Variants in CPS1 observed in about 807,000 individuals in gnomAD.
CPS1 encodes the protein carbamoyl-phosphate synthase [ammonia], mitochondrial.
Under a neutral mutation model 174.6 loss-of-function variants are expected in CPS1, and 109 were observed. The observed-to-expected ratio is 0.62, with a 90% CI of 0.53 to 0.73. The LOEUF (loss-of-function observed/expected upper bound fraction) is 0.73. Ranked by LOEUF, CPS1 falls within the 30% of genes least tolerant of loss-of-function variation. The pLI is 0.00. For missense variants in CPS1, 1,689 were observed against 1,821.9 expected, an observed-to-expected ratio of 0.93 and a Z score of 1.33; for synonymous variants, 637 against 632.0, an observed-to-expected ratio of 1.01 and a Z score of -0.12.
At chr2:210,663,450 G>T (rs1700988976) in intron 33 of CPS1, among the ~76,000 whole-genome samples, 1 of 151,912 alleles carries the variant, frequency 6.6e-6, no homozygotes, top group South Asian at 2.1e-4. Flanking sequence ...CATCTTCCAG[G>T]TATTTATCTA....
chr2:210,500,165 A>G (rs550372438), intron 1 of CPS1, among the ~76,000 whole-genome samples: 20 of 152,154 alleles, frequency 1.3e-4, no homozygotes, highest in South Asian at 2.1e-4. Context: ...CCATGATTCA[A>G]TTATCTCCAC....
At chr2:210,624,611 A>G (rs2105878751) in intron 21 of CPS1, among the ~76,000 whole-genome samples, 1 of 152,174 alleles carries the variant, frequency 6.6e-6, no homozygotes, top group African/African-American at 2.4e-5. Flanking sequence ...CATAGGTTTG[A>G]TAGGACTCCA....
intron 25 of CPS1, among the ~76,000 whole-genome samples, chr2:210,644,201 G>A (rs939961333): frequency 1.3e-5 from 2 of 151,888 alleles, no homozygotes. Context: ...GAAAGAAGTT[G>A]GCCCTTCTTT....
Position 210,616,422 on chromosome 2 carries a change from G to A in CPS1, c.2569-1G>A. On this transcript the variant is annotated splice_acceptor_variant, in intron 20 of 37. Coordinates refer to ENST00000233072, the MANE Select transcript of CPS1 (RefSeq NM_001875.5). LOFTEE classifies it high-confidence loss of function. ...GAAAGTATCTCTTCTCCTCTTGGCA[G>A]GCCATTGATGACAACATGTCCCTTG... is the stretch of plus-strand genomic sequence containing the variant. 6.3e-7 allele frequency: 1 copy of A among 1,598,902 alleles called. No homozygotes were observed. The highest frequency in any genetic ancestry group is 1.3e-5 in the African/African-American group (1 of 74,562).
rs529528829 is a variant in CPS1 at position 210,678,984 on chromosome 2, C to A, written c.*999C>A. ...TCCACCCACTGTAAGGGCAAGGACA[C>A]CATTCCTTCTACATATAAGAAAAAA... On this transcript the variant is annotated 3_prime_UTR_variant, in exon 38 of 38. Coordinates refer to ENST00000233072, the MANE Select transcript of CPS1 (RefSeq NM_001875.5). The A allele has an allele frequency of 6.6e-6, 1 of 152,286 alleles. No individual in the cohort carries two copies. The highest frequency in any genetic ancestry group is 2.1e-4 in the South Asian group (1 of 4,830). 9.4% of individuals were successfully genotyped at this position (152,286 alleles called of 1,614,324 possible). A position where few individuals can be genotyped will look rare whatever the true frequency, so the allele number is the denominator to read the frequency against.
At chr2:210,528,814 CTTTTTTTTT>C (rs779266955) in intron 1 of CPS1, among the ~76,000 whole-genome samples, 2 of 117,684 alleles carry the variant, frequency 1.7e-5, no homozygotes, top group East Asian at 5.0e-4. Context: ...ATCAAGACAA[CTTTTTTTTT>C]TTTTTTTTTT....
intron 1 of CPS1, among the ~76,000 whole-genome samples, chr2:210,489,240 A>T (rs981667768): frequency 3.3e-5 from 5 of 152,202 alleles, no homozygotes; most frequent in African/African-American, 1.2e-4. Flanking sequence ...AGAGAAAAGG[A>T]TCTTCTCTCC....
chr2:210,549,463 A>G (rs572896908), intron 1 of CPS1, among the ~76,000 whole-genome samples: 1 of 152,096 alleles, frequency 6.6e-6, no homozygotes, highest in Non-Finnish European at 1.5e-5. Context: ...AGACCAAGTT[A>G]TAAGAAAATG....
At chr2:210,571,603 A>T (rs1464158046) in intron 1 of CPS1, among the ~76,000 whole-genome samples, 1 of 151,984 alleles carries the variant, frequency 6.6e-6, no homozygotes, top group East Asian at 1.9e-4. Flanking sequence ...AGACGTCGGA[A>T]TATAGTATAT....
upstream of CPS1, chr2:210,555,618 A>G (rs1221732577): frequency 8.8e-6 from 4 of 455,274 alleles, no homozygotes; most frequent in Non-Finnish European, 1.8e-5. Context: ...TCTTTATGTC[A>G]TTTTCTGTCA....
intron 1 of CPS1, among the ~76,000 whole-genome samples, chr2:210,562,868 GTT>G (rs74421812): frequency 0.019 from 2,585 of 136,558 alleles, 60 homozygotes; most frequent in African/African-American, 0.062. Context: ...TTTAAATGGT[GTT>G]TTTTTTTTTT....
chr2:210,664,397 C>T (rs12990908), intron 33 of CPS1, among the ~76,000 whole-genome samples: 26,424 of 151,592 alleles, frequency 0.17, 2,426 homozygotes, highest in African/African-American at 0.22. Flanking sequence ...TGGAGTGCAA[C>T]GGCATGATCT....
intron 33 of CPS1, among the ~76,000 whole-genome samples, 181 bp from the exon 34 acceptor site, chr2:210,668,005 C>T (rs1347261017): frequency 6.6e-6 from 1 of 151,980 alleles, no homozygotes; most frequent in Non-Finnish European, 1.5e-5. Context: ...TCAGATTGCA[C>T]AGGCTTTGGG....
chr2:210,548,368 G>A (rs1271759708), intron 1 of CPS1, among the ~76,000 whole-genome samples: 2 of 151,948 alleles, frequency 1.3e-5, no homozygotes, highest in Non-Finnish European at 1.5e-5. Context: ...TAGTTTACAA[G>A]ATGTTCAAGA....
chr2:210,650,153 C>A (rs1309151206), intron 27 of CPS1, among the ~76,000 whole-genome samples: 1 of 152,226 alleles, frequency 6.6e-6, no homozygotes. Context: ...TGACCCCCTA[C>A]ACTTTACCTT....
rs1697086556 is a variant in CPS1, at chr2:210,561,141, C to T, written c.126+4282C>T. Among the ~76,000 whole-genome samples, 2 of 152,104 alleles carry T rather than the reference C, an allele frequency of 1.3e-5. 1 individual carries two copies. Among genetic ancestry groups the T allele is most frequent in the Admixed American group, 1.3e-4 (2 of 15,262 alleles). On this transcript the variant is annotated intron_variant, in intron 1 of 37. Transcript: ENST00000233072. ...TTATTAGTCACCAACAACGCCTTGA[C>T]ATTATGAGCTTCTTGACATAAAACT... is the stretch of plus-strand genomic sequence containing the variant.
At chr2:210,479,353 G>A (rs548933034) in intron 1 of CPS1, among the ~76,000 whole-genome samples, 26 of 144,908 alleles carry the variant, frequency 1.8e-4, no homozygotes, top group African/African-American at 5.4e-4. Context: ...TTTTTGAGAC[G>A]GAGTCTCGCT....
chr2:210,530,009 T>C (rs12472153), intron 1 of CPS1, among the ~76,000 whole-genome samples: 63,435 of 151,814 alleles, frequency 0.42, 13,477 homozygotes, highest in Middle Eastern at 0.53. Context: ...AAACTTGTAA[T>C]GGTTTTCAAC....
At chr2:210,510,475 CA>C (rs1176122045) in intron 1 of CPS1, among the ~76,000 whole-genome samples, 2 of 151,890 alleles carry the variant, frequency 1.3e-5, no homozygotes, top group Non-Finnish European at 2.9e-5. Flanking sequence ...TGGGCAAGGG[CA>C]AGGACTTCAT....
Sources: gnomAD v4.1 joint callset for allele counts (sites outside exome capture counted in the v4.1 genomes callset) on GRCh38, gnomAD v4.1.1 for gene constraint, MANE v1.5 for transcripts, NCBI Gene and HGNC (gene_info 2026-07-23, HGNC 2026-07-21) for gene names.